Variants in CREB5 observed in about 807,000 individuals in gnomAD.
CREB5 encodes the protein cyclic AMP-responsive element-binding protein 5.
Under a neutral mutation model 57.1 loss-of-function variants are expected in CREB5, and 19 were observed. That is an observed-to-expected ratio of 0.33 (90% confidence interval 0.23 to 0.49). The LOEUF is 0.49. Ranked by LOEUF, CREB5 falls within the 20% of genes least tolerant of loss-of-function variation. The probability of loss-of-function intolerance (pLI) is 0.99; values close to 1 mark genes in which losing one functional copy is unlikely to be tolerated. For missense variants in CREB5, 579 were observed against 671.6 expected (o/e 0.86, Z 1.52); for synonymous variants, 238 against 238.3 (o/e 1.00, Z 0.01).
chr7:28,495,490 T>C (rs217493), intron 3 of CREB5, among the ~76,000 whole-genome samples: 110,042 of 150,878 alleles, frequency 0.73, 40,697 homozygotes, highest in African/African-American at 0.82. Context: ...TGCAGTGAGC[T>C]GAGATCATGC....
At chr7:28,309,964 G>A (rs1384323280) in intron 1 of CREB5, among the ~76,000 whole-genome samples, 1 of 152,138 alleles carries the variant, frequency 6.6e-6, no homozygotes, top group Non-Finnish European at 1.5e-5. Flanking sequence ...GGCTAAGTGG[G>A]GGGTCCAGAG....
intron 5 of CREB5, among the ~76,000 whole-genome samples, chr7:28,651,651 C>T (rs952212841): frequency 8.5e-5 from 13 of 152,138 alleles, no homozygotes; most frequent in Admixed American, 2.6e-4. Flanking sequence ...TTTCTTTCGC[C>T]GGGCACTTGA....
chr7:28,613,608 G>A (rs895658558), intron 5 of CREB5, among the ~76,000 whole-genome samples: 1 of 152,184 alleles, frequency 6.6e-6, no homozygotes, highest in Non-Finnish European at 1.5e-5. Context: ...CTTCTGCTTT[G>A]ATTTCATTCA....
At chr7:28,642,951 T>TACACACACACACACAC (rs751628412) in intron 5 of CREB5, among the ~76,000 whole-genome samples, 12 of 89,648 alleles carry the variant, frequency 1.3e-4, no homozygotes, top group South Asian at 4.0e-4. Context: ...AGGGTAGATT[T>TACACACACACACACAC]ACACACACAC....
intron 7 of CREB5, among the ~76,000 whole-genome samples, chr7:28,755,292 G>A (rs17730214): frequency 0.053 from 8,019 of 152,298 alleles, 293 homozygotes; most frequent in Non-Finnish European, 0.079. Flanking sequence ...GAGAACAATA[G>A]TGTAAAGAGA....
At chr7:28,437,415 G>C (rs1256357742) in intron 1 of CREB5, among the ~76,000 whole-genome samples, 3 of 152,102 alleles carry the variant, frequency 2.0e-5, no homozygotes, top group Admixed American at 6.6e-5. Flanking sequence ...CTTGCCAAGA[G>C]AGATCACCAT....
chr7:28,410,402 G>A (rs1244903191), upstream of CREB5: 2 of 456,772 alleles, frequency 4.4e-6, no homozygotes, highest in East Asian at 6.9e-5. Flanking sequence ...CCCTGCGGCA[G>A]ATTCTCGGCA....
intron 4 of CREB5, among the ~76,000 whole-genome samples, chr7:28,543,359 CA>C (rs1403990519): frequency 6.6e-6 from 1 of 152,062 alleles, no homozygotes; most frequent in African/African-American, 2.4e-5. Flanking sequence ...TAGCATTCCA[CA>C]AAAAATATTA....
Position 28,316,881 on chromosome 7 carries a change from C to T in CREB5, c.-25+17440C>T, listed in dbSNP as rs111316351. On this transcript the variant is annotated intron_variant, in intron 1 of 9. Transcript: ENST00000396299. ...GCTTCTCCAAGCCTCCATATCCTAA[C>T]CTTTAAAAGGGGGATGATAATACTT... 4.1e-3 allele frequency among the ~76,000 whole-genome samples: 620 copies of T among 151,916 alleles called. 2 individuals carry two copies. The highest frequency in any genetic ancestry group is 0.014 in the African/African-American group (597 of 41,376).
rs563740574 is a variant in CREB5 at position 28,546,372 on chromosome 7, T to C, written c.292-23993T>C. Among the ~76,000 whole-genome samples the C allele has an allele frequency of 1.7e-3, 254 of 152,360 alleles. 1 individual carries two copies. Among genetic ancestry groups the C allele is most frequent in the South Asian group, 5.8e-3 (28 of 4,828 alleles). ...GAACATCTGTGTACACATTTTTGTA[T>C]GGACATGAGTTTTATTTCTCTTGGG... On this transcript the variant is annotated intron_variant, in intron 4 of 10. Transcript: ENST00000357727.
At chr7:28,473,725 G>C (rs552882616) in intron 1 of CREB5, among the ~76,000 whole-genome samples, 18 of 152,346 alleles carry the variant, frequency 1.2e-4, no homozygotes, top group African/African-American at 4.3e-4. Flanking sequence ...GCCCGGGCAG[G>C]GATCTGAGGT....
chr7:28,804,154 G>C, intron 7 of CREB5, 45 bp from the exon 8 acceptor site: 1 of 1,571,140 alleles, frequency 6.4e-7, no homozygotes, highest in South Asian at 1.1e-5. Context: ...TCATGTACAT[G>C]ACTGACTTCA....
At chr7:28,622,650 A>G (rs1159465956) in intron 5 of CREB5, among the ~76,000 whole-genome samples, 1 of 152,166 alleles carries the variant, frequency 6.6e-6, no homozygotes, top group Non-Finnish European at 1.5e-5. Flanking sequence ...GAGATGAAGA[A>G]ACTGAGGCTC....
chr7:28,639,320 T>C (rs991228344), intron 5 of CREB5, among the ~76,000 whole-genome samples: 14 of 151,842 alleles, frequency 9.2e-5, no homozygotes, highest in Admixed American at 4.6e-4. Context: ...AAATAGGCTG[T>C]AGTAAAATAC....
chr7:28,397,624 G>A (rs771688808), intron 1 of CREB5, among the ~76,000 whole-genome samples: 5 of 152,178 alleles, frequency 3.3e-5, no homozygotes, highest in African/African-American at 1.2e-4. Flanking sequence ...TGTCTTATAA[G>A]CAAAACTGAA....
chr7:28,793,603 C>T (rs935439117), intron 7 of CREB5, among the ~76,000 whole-genome samples: 5 of 152,168 alleles, frequency 3.3e-5, no homozygotes, highest in Non-Finnish European at 7.3e-5. Flanking sequence ...TTGAGATGCC[C>T]TCTGGGAATG....
intron 5 of CREB5, among the ~76,000 whole-genome samples, chr7:28,648,418 T>C (rs1227782137): frequency 1.3e-5 from 2 of 152,042 alleles, no homozygotes; most frequent in African/African-American, 2.4e-5. Context: ...GCTGAACCTC[T>C]TGAGATATAA....
At chr7:28,356,603 T>C (rs1475839549) in intron 1 of CREB5, among the ~76,000 whole-genome samples, 2 of 152,002 alleles carry the variant, frequency 1.3e-5, no homozygotes, top group African/African-American at 4.8e-5. Flanking sequence ...CAGCTACAAG[T>C]GAGATAAAAC....
chr7:28,515,645 C>T (rs1027367301), intron 4 of CREB5, among the ~76,000 whole-genome samples: 9 of 152,148 alleles, frequency 5.9e-5, no homozygotes, highest in African/African-American at 2.2e-4. Context: ...CCCTCCCTAC[C>T]CTCTTTCGTT....
Sources: gnomAD v4.1 joint callset for allele counts (sites outside exome capture counted in the v4.1 genomes callset) on GRCh38, gnomAD v4.1.1 for gene constraint, MANE v1.5 for transcripts, NCBI Gene and HGNC (gene_info 2026-07-23, HGNC 2026-07-21) for gene names.